The following PELI2 variants were observed in gnomAD, a reference collection of about 807,000 sequenced individuals.
The protein encoded by PELI2 is pellino E3 ubiquitin protein ligase family member 2.
PELI2 carries 23 observed loss-of-function variants against 42.3 expected under a neutral mutation model. The ratio of observed to expected loss-of-function variants is 0.54; its 90% confidence interval spans 0.39 to 0.77. PELI2 has a LOEUF of 0.77. Among genes scored for constraint, PELI2 ranks in the 30% least tolerant of loss-of-function variants. The pLI is 0.00. For synonymous variants in PELI2, 245 were observed against 212.2 expected, an observed-to-expected ratio of 1.15 and a Z score of -1.34; for missense variants, 463 against 553.2, an observed-to-expected ratio of 0.84 and a Z score of 1.64.
intron 1 of PELI2, among the ~76,000 whole-genome samples, chr14:56,176,233 T>G (rs2139664192): frequency 6.6e-6 from 1 of 152,350 alleles, no homozygotes; most frequent in South Asian, 2.1e-4. Flanking sequence ...AACAAGCGTC[T>G]GCTGCACTCT....
intron 2 of PELI2, among the ~76,000 whole-genome samples, chr14:56,221,911 G>T (rs1435557063): frequency 2.6e-5 from 4 of 152,164 alleles, no homozygotes; most frequent in Admixed American, 2.0e-4. Context: ...ACATGTGACA[G>T]CCACGAGAGG....
At chr14:56,118,811 G>T in intron 1 of PELI2, 74 bp downstream of exon 1, 1 of 1,061,264 alleles carries the variant, frequency 9.4e-7, no homozygotes, top group Non-Finnish European at 1.3e-6. Flanking sequence ...GGGGCTGGCG[G>T]GGTGGCTCGG....
In PELI2 at chr14:56,296,586, C is replaced by G; in HGVS notation, c.697-14C>G. ...TTTTGCTTTTAAAAGGCATGTGTCT[C>G]AAACTTGTTGTAGGTGGAAAGTGAG... On this transcript the variant is annotated splice_polypyrimidine_tract_variant and intron_variant, in intron 5 of 5. Coordinates refer to ENST00000267460, the MANE Select transcript of PELI2 (RefSeq NM_021255.3). The G allele has an allele frequency of 6.4e-7, 1 of 1,568,196 alleles. No homozygotes were observed. The highest frequency in any genetic ancestry group is 8.7e-7 in the Non-Finnish European group (1 of 1,152,052).
Position 56,208,094 on chromosome 14 carries a change from T to A in PELI2, c.207+29630T>A, listed in dbSNP as rs146745943. Among the ~76,000 whole-genome samples, 408 of 152,328 alleles carry A rather than the reference T, an allele frequency of 2.7e-3. 3 individuals are homozygous for A. The highest frequency in any genetic ancestry group is 8.2e-3 in the African/African-American group (342 of 41,572). ...TATCAAGGTGCATCAGCCAGCTTTA[T>A]AGCCAGAGCTTTAACAGCTTAGGAG... On this transcript the variant is annotated intron_variant, in intron 2 of 5. Coordinates refer to ENST00000267460, the MANE Select transcript of PELI2 (RefSeq NM_021255.3).
rs770480878 is a variant in PELI2 at position 56,296,738 on chromosome 14, G to A, written c.835G>A (p.Ala279Thr). The A allele has an allele frequency of 3.7e-6, 6 of 1,613,936 alleles. No individual in the cohort carries two copies. The highest frequency in any genetic ancestry group is 1.3e-5 in the African/African-American group (1 of 74,912). The change falls in exon 6 of 6, where the codon GCC becomes ACC. Residue 279 changes from alanine to threonine, a missense_variant. Physicochemically the swap from Ala to Thr is moderately conservative, Grantham distance 58. Transcript: ENST00000267460. ...HIEALRQEIN[A>T]ARPQCPVGLN... The stretch of plus-strand genomic sequence containing the variant: ...AGAAGCCCTCCGGCAGGAGATTAAC[G>A]CCGCCCGGCCTCAGTGTCCTGTGGG...
intron 1 of PELI2, among the ~76,000 whole-genome samples, chr14:56,167,765 A>G (rs1454576721): frequency 1.3e-5 from 2 of 152,206 alleles, no homozygotes; most frequent in East Asian, 3.9e-4. Context: ...TTCAAAAATT[A>G]GGTACTTACT....
rs753579748 is a variant in PELI2, at chr14:56,253,863, C to CA, written c.208-25806dup. Among the ~76,000 whole-genome samples the CA allele has an allele frequency of 3.8e-4, 58 of 151,980 alleles. 1 individual carries two copies. Among genetic ancestry groups the CA allele is most frequent in the Admixed American group, 2.5e-3 (38 of 15,266 alleles). ...AAACTACTTTAAATTTCATATGGAA[C>CA]AAAAAAAGAGCCCAGATAGCCAAGA... is the stretch of plus-strand genomic sequence containing the variant. On this transcript the variant is annotated intron_variant, in intron 2 of 5. Transcript: ENST00000267460.
intron 1 of PELI2, among the ~76,000 whole-genome samples, chr14:56,123,408 C>T (rs1435781240): frequency 6.6e-6 from 1 of 152,080 alleles, no homozygotes; most frequent in East Asian, 1.9e-4. Context: ...ATTTATAAAA[C>T]AAAATCTTTA....
chr14:56,179,114 G>A (rs1321546087), intron 2 of PELI2, among the ~76,000 whole-genome samples: 1 of 151,892 alleles, frequency 6.6e-6, no homozygotes, highest in Non-Finnish European at 1.5e-5. Context: ...TATAAGTCGA[G>A]GAAAAAATCT....
chr14:56,127,129 G>T (rs1595536920), intron 1 of PELI2, among the ~76,000 whole-genome samples: 1 of 152,178 alleles, frequency 6.6e-6, no homozygotes, highest in East Asian at 1.9e-4. Context: ...AAGTCTTTTT[G>T]CATTTGTTAA....
At chr14:56,187,853 C>A (rs1885821401) in intron 2 of PELI2, among the ~76,000 whole-genome samples, 1 of 152,196 alleles carries the variant, frequency 6.6e-6, no homozygotes, top group South Asian at 2.1e-4. Flanking sequence ...CAGCTCCCTT[C>A]TGGTTCACAC....
At chr14:56,196,702 G>A (rs574249425) in intron 2 of PELI2, among the ~76,000 whole-genome samples, 2 of 152,272 alleles carry the variant, frequency 1.3e-5, no homozygotes, top group East Asian at 1.9e-4. Context: ...CCGATATGGT[G>A]TGTTAAGATT....
At chr14:56,260,297 T>C (rs934911210) in intron 2 of PELI2, among the ~76,000 whole-genome samples, 3 of 152,092 alleles carry the variant, frequency 2.0e-5, no homozygotes, top group African/African-American at 7.2e-5. Flanking sequence ...GAATAACTAC[T>C]AATAGAGAAA....
intron 1 of PELI2, among the ~76,000 whole-genome samples, chr14:56,170,072 C>T (rs563427526): frequency 2.6e-5 from 4 of 152,306 alleles, no homozygotes; most frequent in Admixed American, 1.3e-4. Context: ...GTCTGTCTGT[C>T]TCTAGTGTCA....
intron 2 of PELI2, among the ~76,000 whole-genome samples, chr14:56,183,016 T>A (rs1428867062): frequency 1.3e-5 from 2 of 152,172 alleles, no homozygotes; most frequent in Admixed American, 1.3e-4. Context: ...TTTGCATTGC[T>A]CCTGCTTTTA....
Position 56,245,509 on chromosome 14 carries a change from A to G in PELI2, c.208-34167A>G, listed in dbSNP as rs183837856. Among the ~76,000 whole-genome samples the G allele has an allele frequency of 3.4e-3, 522 of 152,376 alleles. 17 individuals are homozygous for G. The highest frequency in any genetic ancestry group is 0.033 in the Admixed American group (511 of 15,306). ...CTGCATGTCTACAATATGCCCATTA[A>G]GTGAATTCCTGGTTGGCAAAATTTG... On this transcript the variant is annotated intron_variant, in intron 2 of 5. Transcript: ENST00000267460.
At chr14:56,234,448 G>A (rs569235779) in intron 2 of PELI2, among the ~76,000 whole-genome samples, 1 of 152,288 alleles carries the variant, frequency 6.6e-6, no homozygotes, top group East Asian at 1.9e-4. Flanking sequence ...CATGTCCTTT[G>A]TAGGGACATG....
intron 2 of PELI2, among the ~76,000 whole-genome samples, chr14:56,213,453 C>T (rs114335389): frequency 3.0e-4 from 45 of 152,206 alleles, no homozygotes; most frequent in African/African-American, 1.0e-3. Flanking sequence ...AGTGACTAGC[C>T]CACAGGGCAG....
intron 1 of PELI2, among the ~76,000 whole-genome samples, chr14:56,153,304 A>G (rs1013693705): frequency 6.6e-6 from 1 of 152,198 alleles, no homozygotes; most frequent in Non-Finnish European, 1.5e-5. Context: ...TTTTGGCAGT[A>G]TGAGAGATCC....
Sources: allele counts gnomAD v4.1 joint callset (sites outside exome capture counted in the v4.1 genomes callset), GRCh38; gene constraint gnomAD v4.1.1; transcripts MANE v1.5; gene names NCBI Gene and HGNC (gene_info 2026-07-23, HGNC 2026-07-21).